The following UNC93A variants were observed in gnomAD, a reference collection of about 807,000 sequenced individuals.
UNC93A encodes unc-93 homolog A.
In UNC93A, 43 loss-of-function variants were observed where a neutral mutation model predicts 47.5. The observed-to-expected ratio is 0.91, with a 90% confidence interval of 0.71 to 1.17. UNC93A has a LOEUF of 1.17. Ranked by LOEUF, UNC93A falls within the 50% of genes most tolerant of loss-of-function variation. The probability of loss-of-function intolerance (pLI) is 0.00; values close to 1 mark genes in which losing one functional copy is unlikely to be tolerated. For synonymous variants in UNC93A, 280 were observed against 258.0 expected, an observed-to-expected ratio of 1.09 and a Z score of -0.82; for missense variants, 605 against 577.6, an observed-to-expected ratio of 1.05 and a Z score of -0.49.
chr6:167,294,783 A>T (rs951950363), intron 2 of UNC93A, 85 bp downstream of exon 2: 1 of 1,425,976 alleles, frequency 7.0e-7, no homozygotes, highest in East Asian at 2.3e-5. Context: ...TTGCATTTGC[A>T]CCTGATTACT....
At chr6:167,298,222 G>A in intron 4 of UNC93A, 152 bp downstream of exon 4, 1 of 1,250,808 alleles carries the variant, frequency 8.0e-7, no homozygotes, top group Non-Finnish European at 1.1e-6. Context: ...TTATATGCAG[G>A]CGGTGTTCTT....
At chr6:167,275,777 C>A (rs1166935604) in intron 1 of UNC93A, among the ~76,000 whole-genome samples, 1 of 152,208 alleles carries the variant, frequency 6.6e-6, no homozygotes, top group African/African-American at 2.4e-5. Context: ...ACCTTGTGCT[C>A]CTCACGGGTT....
At chr6:167,289,274 C>T (rs1431057467), upstream of UNC93A, among the ~76,000 whole-genome samples, 6 of 152,288 alleles carry the variant, frequency 3.9e-5, no homozygotes, top group South Asian at 8.3e-4. Context: ...GACGAGACCA[C>T]TGGGGGACCA....
intron 1 of UNC93A, among the ~76,000 whole-genome samples, chr6:167,292,224 CA>C (rs1262720239): frequency 6.6e-6 from 1 of 152,094 alleles, no homozygotes; most frequent in Admixed American, 6.5e-5. Context: ...CAGGGAATTC[CA>C]AGGGCTGGTC....
At chr6:167,271,780 G>A (rs1000777599) in intron 1 of UNC93A, among the ~76,000 whole-genome samples, 4 of 152,170 alleles carry the variant, frequency 2.6e-5, no homozygotes, top group African/African-American at 9.7e-5. Context: ...CACTCCAAGG[G>A]TTTATTAGAA....
At chr6:167,307,282 C>T (rs182304439) in intron 6 of UNC93A, among the ~76,000 whole-genome samples, 6 of 152,304 alleles carry the variant, frequency 3.9e-5, no homozygotes, top group Admixed American at 1.3e-4. Context: ...TGGTGCAGAG[C>T]ATTGATTTAG....
chr6:167,297,842 C>A (rs938538479), intron 3 of UNC93A, 103 bp from the exon 4 acceptor site: 16 of 1,458,924 alleles, frequency 1.1e-5, no homozygotes, highest in Non-Finnish European at 1.5e-5. Context: ...TGCCTCCCCC[C>A]AGGTGTCCAA....
intron 1 of UNC93A, among the ~76,000 whole-genome samples, chr6:167,291,950 G>A (rs1415400232): frequency 1.3e-5 from 2 of 152,218 alleles, no homozygotes; most frequent in Non-Finnish European, 2.9e-5. Flanking sequence ...GGGCAGCCAT[G>A]TGAATTTATC....
chr6:167,314,997 T>C (rs1230721932), intron 7 of UNC93A, among the ~76,000 whole-genome samples, 190 bp from the exon 8 acceptor site: 1 of 152,200 alleles, frequency 6.6e-6, no homozygotes, highest in Non-Finnish European at 1.5e-5. Flanking sequence ...CATTCTAAGT[T>C]AACTGAGACC....
At chr6:167,284,869 C>T (rs979060374) in intron 1 of UNC93A, among the ~76,000 whole-genome samples, 19 of 151,312 alleles carry the variant, frequency 1.3e-4, no homozygotes, top group Non-Finnish European at 1.9e-4. Context: ...TACAGAGGTC[C>T]GTGGGTCCTT....
chr6:167,287,405 C>T (rs529452951), upstream of UNC93A, among the ~76,000 whole-genome samples: 1 of 152,142 alleles, frequency 6.6e-6, no homozygotes. Context: ...CCCACCTGCT[C>T]TAGTTTTGGG....
At chr6:167,306,561 C>G (rs565523718) in intron 6 of UNC93A, among the ~76,000 whole-genome samples, 1 of 152,336 alleles carries the variant, frequency 6.6e-6, no homozygotes, top group Admixed American at 6.5e-5. Context: ...ATCACGTGAA[C>G]AATGAGGAAT....
upstream of UNC93A, among the ~76,000 whole-genome samples, chr6:167,290,926 A>C (rs1562346860): frequency 1.3e-5 from 2 of 152,170 alleles, no homozygotes; most frequent in African/African-American, 4.8e-5. Context: ...TGTGTTGTGA[A>C]ACTGTACAGT....
intron 5 of UNC93A, among the ~76,000 whole-genome samples, chr6:167,304,953 T>C (rs1453901841): frequency 6.6e-6 from 1 of 152,144 alleles, no homozygotes; most frequent in Non-Finnish European, 1.5e-5. Flanking sequence ...TGCCACCTTC[T>C]CCCCTCAAGG....
Position 167,298,559 on chromosome 6 carries a change from C to T in UNC93A, c.625+489C>T, listed in dbSNP as rs546289772. 1.4e-3 allele frequency among the ~76,000 whole-genome samples: 210 copies of T among 151,012 alleles called. 2 individuals are homozygous for T. The highest frequency in any genetic ancestry group is 4.9e-3 in the African/African-American group (200 of 40,800). ...TTTTTTCTGAGAAATGTGCTGAGTA[C>T]CTTCTGTGGAAAGGCTAGAGGGGCG... On this transcript the variant is annotated intron_variant, in intron 4 of 7. Coordinates refer to ENST00000230256, the MANE Select transcript of UNC93A (RefSeq NM_018974.4).
At chr6:167,279,997 C>T (rs1369703112) in intron 1 of UNC93A, among the ~76,000 whole-genome samples, 8 of 152,162 alleles carry the variant, frequency 5.3e-5, no homozygotes, top group African/African-American at 1.9e-4. Context: ...GTGTAATAAG[C>T]GATGTTCTTA....
intron 1 of UNC93A, among the ~76,000 whole-genome samples, chr6:167,282,442 G>C (rs1583062960): frequency 1.3e-5 from 2 of 152,074 alleles, no homozygotes; most frequent in Admixed American, 1.3e-4. Flanking sequence ...AGAAAAAGGT[G>C]GGGGGAGATT....
At chr6:167,282,125 C>T (rs184872864) in intron 1 of UNC93A, among the ~76,000 whole-genome samples, 1 of 152,126 alleles carries the variant, frequency 6.6e-6, no homozygotes, top group African/African-American at 2.4e-5. Flanking sequence ...GGTGGCTTAT[C>T]GTAGACTTTC....
At chr6:167,306,238 C>G (rs994562464) in intron 6 of UNC93A, among the ~76,000 whole-genome samples, 188 bp downstream of exon 6, 5 of 152,222 alleles carry the variant, frequency 3.3e-5, no homozygotes, top group African/African-American at 1.2e-4. Flanking sequence ...TCAGATCTCT[C>G]CCCAAGCTGG....
Sources: gnomAD v4.1 joint callset for allele counts (sites outside exome capture counted in the v4.1 genomes callset) on GRCh38, gnomAD v4.1.1 for gene constraint, MANE v1.5 for transcripts, NCBI Gene and HGNC (gene_info 2026-07-23, HGNC 2026-07-21) for gene names.